Variants in TRIO observed in about 807,000 individuals in gnomAD.
TRIO encodes the protein trio Rho guanine nucleotide exchange factor, also known as triple functional domain protein.
A neutral mutation model predicts 351.9 loss-of-function variants in TRIO; 58 were observed. The observed-to-expected ratio is 0.16, with a 90% CI of 0.13 to 0.21. The LOEUF (loss-of-function observed/expected upper bound fraction) is 0.21. Ranked by LOEUF, TRIO falls within the 10% of genes least tolerant of loss-of-function variation. The pLI is 1.00. For synonymous variants in TRIO, 1,758 were observed against 1,595.7 expected, an observed-to-expected ratio of 1.10 and a Z score of -2.42; for missense variants, 3,201 against 4,027.8, an observed-to-expected ratio of 0.79 and a Z score of 5.56.
chr5:14,367,278 G>A (rs963535870), intron 16 of TRIO, among the ~76,000 whole-genome samples: 4 of 152,164 alleles, frequency 2.6e-5, no homozygotes, highest in Non-Finnish European at 5.9e-5. Context: ...GCCCTGGCAA[G>A]ATGCACTTTC....
At chr5:14,256,089 T>G (rs1795007208) in intron 1 of TRIO, among the ~76,000 whole-genome samples, 1 of 152,212 alleles carries the variant, frequency 6.6e-6, no homozygotes. Context: ...TGGCTCATTG[T>G]TCTGCAGGCT....
At chr5:14,505,436 T>C (rs1341777498) in intron 55 of TRIO, among the ~76,000 whole-genome samples, 3 of 152,224 alleles carry the variant, frequency 2.0e-5, no homozygotes, top group African/African-American at 7.2e-5. Context: ...ACAGCTGCTT[T>C]TCCATGGGGA....
intron 8 of TRIO, among the ~76,000 whole-genome samples, chr5:14,311,299 A>G (rs1738907738): frequency 6.6e-6 from 1 of 152,224 alleles, no homozygotes; most frequent in Non-Finnish European, 1.5e-5. Context: ...TCCCAGGTTT[A>G]CAGGTGTCAG....
intron 21 of TRIO, among the ~76,000 whole-genome samples, chr5:14,382,782 G>C (rs1746221932): frequency 6.7e-6 from 1 of 150,234 alleles, no homozygotes; most frequent in African/African-American, 2.5e-5. Flanking sequence ...ATGGGATCTT[G>C]CTCTGTTACC....
chr5:14,201,511 G>T (rs1791108211), intron 1 of TRIO, among the ~76,000 whole-genome samples: 1 of 152,174 alleles, frequency 6.6e-6, no homozygotes, highest in Non-Finnish European at 1.5e-5. Flanking sequence ...GTGGTTTTAA[G>T]AGCATTTGGC....
At chr5:14,359,605 G>A in intron 13 of TRIO, 74 bp downstream of exon 13, 2 of 1,545,748 alleles carry the variant, frequency 1.3e-6, no homozygotes, top group South Asian at 1.2e-5. Flanking sequence ...GCGCCCTCTT[G>A]TCTCTGCCCT....
intron 34 of TRIO, among the ~76,000 whole-genome samples, chr5:14,444,103 T>G (rs997984418): frequency 6.6e-6 from 1 of 152,146 alleles, no homozygotes; most frequent in Non-Finnish European, 1.5e-5. Context: ...TTCTTTCTGT[T>G]TGGGTTAGGA....
At chr5:14,199,935 T>C (rs76158589) in intron 1 of TRIO, among the ~76,000 whole-genome samples, 2,334 of 152,298 alleles carry the variant, frequency 0.015, 22 homozygotes, top group Middle Eastern at 0.024. Flanking sequence ...AGAGAGAACA[T>C]AGACAGCATT....
chr5:14,301,734 T>C (rs1297663925), intron 7 of TRIO, among the ~76,000 whole-genome samples: 1 of 152,102 alleles, frequency 6.6e-6, no homozygotes, highest in East Asian at 1.9e-4. Flanking sequence ...CTTTGTGGAG[T>C]ATCTGTTGAC....
chr5:14,267,393 G>C (rs540659695), intron 1 of TRIO, among the ~76,000 whole-genome samples: 1 of 152,266 alleles, frequency 6.6e-6, no homozygotes, highest in Admixed American at 6.5e-5. Flanking sequence ...CTCTGTGATG[G>C]TGAGAAGTAT....
intron 47 of TRIO, 24 bp downstream of exon 47, chr5:14,485,270 T>C (rs200791397): frequency 5.9e-5 from 91 of 1,554,402 alleles, no homozygotes; most frequent in South Asian, 5.1e-4. Flanking sequence ...TGTTACTAGA[T>C]GTGTGCTTTC....
At chr5:14,430,961 C>T (rs989020988) in intron 34 of TRIO, among the ~76,000 whole-genome samples, 6 of 152,204 alleles carry the variant, frequency 3.9e-5, no homozygotes, top group Admixed American at 2.6e-4. Flanking sequence ...ATCCGCCTTC[C>T]TCGACTTCCC....
chr5:14,228,483 T>G (rs1005662101), intron 1 of TRIO, among the ~76,000 whole-genome samples: 4 of 152,224 alleles, frequency 2.6e-5, no homozygotes, highest in Non-Finnish European at 5.9e-5. Context: ...CATGACTGAA[T>G]TTCCTGGGCG....
At chr5:14,500,228 G>A (rs1757186502) in intron 53 of TRIO, among the ~76,000 whole-genome samples, 1 of 152,116 alleles carries the variant, frequency 6.6e-6, no homozygotes, top group Non-Finnish European at 1.5e-5. Context: ...TTCTCTGAGA[G>A]AAGCCACTTT....
At chr5:14,187,544 G>A (rs954549116) in intron 1 of TRIO, among the ~76,000 whole-genome samples, 2 of 152,290 alleles carry the variant, frequency 1.3e-5, no homozygotes, top group East Asian at 3.9e-4. Flanking sequence ...GTACCGAGGA[G>A]TGGGTCTAAC....
rs745538766 is a variant in TRIO at position 14,336,673 on chromosome 5, G to A, written c.1992G>A (p.Glu664=). Residue 664 remains glutamate, a synonymous_variant, in exon 11 of 57, where the codon GAG becomes GAA. Coordinates refer to ENST00000344204, the MANE Select transcript of TRIO (RefSeq NM_007118.4). ...DRIQDFVRRV[E]QRKILLDMSV... ...TTCAAGATTTCGTTCGGCGTGTTGA[G>A]CAGCGAAAGATCCTACTGGACATGT... is the stretch of plus-strand genomic sequence containing the variant. 19 of 1,614,226 alleles carry A rather than the reference G, an allele frequency of 1.2e-5. No homozygotes were observed. The South Asian group carries it at 2.1e-4, about 18-fold the overall frequency.
intron 2 of TRIO, 93 bp from the exon 3 acceptor site, chr5:14,280,229 C>G: frequency 8.0e-7 from 1 of 1,248,328 alleles, no homozygotes; most frequent in Non-Finnish European, 1.2e-6. Context: ...TGTGTAGTTG[C>G]TTTAGGAATA....
At chr5:14,283,335 G>T (rs1736167276) in intron 3 of TRIO, among the ~76,000 whole-genome samples, 1 of 152,162 alleles carries the variant, frequency 6.6e-6, no homozygotes, top group South Asian at 2.1e-4. Context: ...CCATTCCTCA[G>T]TTAGACAGTC....
intron 9 of TRIO, among the ~76,000 whole-genome samples, chr5:14,323,541 C>T (rs1198476343): frequency 6.6e-6 from 1 of 151,578 alleles, no homozygotes; most frequent in Admixed American, 6.6e-5. Context: ...GGAGTTTAGT[C>T]CTTTAGGAGG....
Sources: gnomAD v4.1 joint callset for allele counts (sites outside exome capture counted in the v4.1 genomes callset) on GRCh38, gnomAD v4.1.1 for gene constraint, MANE v1.5 for transcripts, NCBI Gene and HGNC (gene_info 2026-07-23, HGNC 2026-07-21) for gene names.